The following DCUN1D4 variants were observed in gnomAD, a reference collection of about 807,000 sequenced individuals.
DCUN1D4 encodes the protein DCN1-like protein 4.
Under a neutral mutation model 47.9 loss-of-function variants are expected in DCUN1D4, and 22 were observed. That is an observed-to-expected ratio of 0.46 (90% CI 0.33 to 0.66). The LOEUF (loss-of-function observed/expected upper bound fraction) is 0.66. Ranked by LOEUF, DCUN1D4 falls within the 30% of genes least tolerant of loss-of-function variation. The probability of loss-of-function intolerance (pLI) is 0.02; values close to 1 mark genes in which losing one functional copy is unlikely to be tolerated. For synonymous variants in DCUN1D4, 121 were observed against 112.2 expected (o/e 1.08, Z -0.50); for missense variants, 301 against 340.8 (o/e 0.88, Z 0.92).
At chr4:51,878,008 A>C in intron 5 of DCUN1D4, 154 bp downstream of exon 5, 1 of 426,150 alleles carries the variant, frequency 2.3e-6, no homozygotes, top group Non-Finnish European at 4.2e-6. Flanking sequence ...AGCTGTAACA[A>C]ATCACCAGAT....
intron 1 of DCUN1D4, among the ~76,000 whole-genome samples, chr4:51,849,413 C>T (rs1162039637): frequency 6.6e-6 from 1 of 152,124 alleles, no homozygotes; most frequent in African/African-American, 2.4e-5. Context: ...TTTTAAATCA[C>T]TTTTCTGTTT....
intron 8 of DCUN1D4, among the ~76,000 whole-genome samples, chr4:51,910,073 T>G (rs992080233): frequency 6.6e-6 from 1 of 152,184 alleles, no homozygotes; most frequent in East Asian, 1.9e-4. Flanking sequence ...TTTGAACATT[T>G]AGATTCCACT....
upstream of DCUN1D4, among the ~76,000 whole-genome samples, chr4:51,842,408 GAAGTGTGCGAACTCTGCGAAAC>G (rs1020873072): frequency 1.3e-5 from 2 of 152,246 alleles, no homozygotes; most frequent in Non-Finnish European, 2.9e-5. Context: ...CTAGAGGAAA[GAAGTGTGCGAACTCTGCGAAAC>G]AAGTATGCGG....
chr4:51,887,107 C>CTTT, intron 6 of DCUN1D4: 4 of 389,538 alleles, frequency 1.0e-5, no homozygotes, highest in East Asian at 8.0e-5. Flanking sequence ...GAAGTGATTG[C>CTTT]TTTTTTTTTT....
chr4:51,861,000 G>A (rs1724964504), intron 1 of DCUN1D4, among the ~76,000 whole-genome samples: 1 of 152,208 alleles, frequency 6.6e-6, no homozygotes, highest in Admixed American at 6.5e-5. Context: ...AATGGTGTAA[G>A]TAAATATAGT....
chr4:51,897,866 C>A (rs1027495184), intron 7 of DCUN1D4, among the ~76,000 whole-genome samples: 2 of 152,174 alleles, frequency 1.3e-5, no homozygotes, highest in South Asian at 4.1e-4. Context: ...TTATAACACA[C>A]TGAATTAGAC....
upstream of DCUN1D4, among the ~76,000 whole-genome samples, chr4:51,838,563 G>A (rs978839346): frequency 2.0e-5 from 3 of 151,922 alleles, no homozygotes; most frequent in Non-Finnish European, 4.4e-5. Flanking sequence ...GCATTTTTTT[G>A]TAGAGATAGG....
rs368063913 is a variant in DCUN1D4 at position 51,857,968 on chromosome 4, G to T, written c.26-5469G>T. ...GGGCAAGATTTAAGTCTTGGCCCTT[G>T]TGGAGCTTACATTCTAATGGGAGAG... On this transcript the variant is annotated intron_variant, in intron 1 of 10. Transcript: ENST00000334635. Among the ~76,000 whole-genome samples, 6 of 152,278 alleles carry T rather than the reference G, an allele frequency of 3.9e-5. No individual in the cohort carries two copies. In the East Asian group the frequency reaches 9.7e-4, roughly 24 times the overall value.
chr4:51,838,932 G>A (rs1577786320), upstream of DCUN1D4, among the ~76,000 whole-genome samples: 1 of 152,052 alleles, frequency 6.6e-6, no homozygotes, highest in South Asian at 2.1e-4. Context: ...ACAATTAGTC[G>A]GGTGTGGTGG....
chr4:51,867,693 G>A (rs549574957), intron 3 of DCUN1D4, among the ~76,000 whole-genome samples: 18 of 152,306 alleles, frequency 1.2e-4, no homozygotes, highest in African/African-American at 3.6e-4. Flanking sequence ...GAGAAAGCAC[G>A]TGCTGATTGG....
At chr4:51,908,346 G>A (rs1265585236) in intron 8 of DCUN1D4, among the ~76,000 whole-genome samples, 1 of 152,158 alleles carries the variant, frequency 6.6e-6, no homozygotes, top group Non-Finnish European at 1.5e-5. Flanking sequence ...GGTGGGTAGG[G>A]AGAGATGTTT....
intron 1 of DCUN1D4, among the ~76,000 whole-genome samples, chr4:51,858,708 G>A (rs907871650): frequency 1.4e-4 from 21 of 152,160 alleles, no homozygotes; most frequent in Non-Finnish European, 2.9e-4. Flanking sequence ...TGCACACATA[G>A]TATAACATTT....
chr4:51,834,509 A>G, the DCUN1D4 span, among the ~76,000 whole-genome samples: 1 of 152,076 alleles, frequency 6.6e-6, no homozygotes, highest in Non-Finnish European at 1.5e-5. Context: ...ATTAAAATAG[A>G]ATAATCTTGG....
At chr4:51,879,585 C>G (rs1042230949) in intron 5 of DCUN1D4, among the ~76,000 whole-genome samples, 1 of 152,120 alleles carries the variant, frequency 6.6e-6, no homozygotes, top group Non-Finnish European at 1.5e-5. Context: ...CCAGCCTGGG[C>G]GACAGAGCAA....
intron 7 of DCUN1D4, among the ~76,000 whole-genome samples, chr4:51,898,261 G>C (rs1441007899): frequency 9.2e-5 from 14 of 152,190 alleles, no homozygotes; most frequent in African/African-American, 3.4e-4. Context: ...GAGAGAGTGA[G>C]GACCCATGGG....
intron 3 of DCUN1D4, among the ~76,000 whole-genome samples, chr4:51,872,223 T>A (rs1455912912): frequency 1.3e-5 from 2 of 152,212 alleles, no homozygotes; most frequent in Non-Finnish European, 2.9e-5. Flanking sequence ...CTGAAGCATG[T>A]CACCTTAGGA....
At position 51,874,402 on chromosome 4, in the gene DCUN1D4, G is replaced by C; in HGVS notation, c.251+17G>C. ...ACATGATAGGTATGATGTAGAGACA[G>C]TAGATCAGAATCAGTGATACATATG... On this transcript the variant is annotated intron_variant, in intron 4 of 10. Coordinates refer to ENST00000334635, the MANE Select transcript of DCUN1D4 (RefSeq NM_001040402.3). 6.4e-7 allele frequency: 1 copy of C among 1,566,536 alleles called. No individual in the cohort carries two copies. The highest frequency in any genetic ancestry group is 1.4e-5 in the African/African-American group (1 of 73,620).
chr4:51,862,897 C>T (rs180834294), intron 1 of DCUN1D4, among the ~76,000 whole-genome samples: 1 of 152,148 alleles, frequency 6.6e-6, no homozygotes, highest in Non-Finnish European at 1.5e-5. Flanking sequence ...CACTAGTAGT[C>T]CCAGCTACCA....
At chr4:51,888,786 C>T (rs906023283) in intron 6 of DCUN1D4, among the ~76,000 whole-genome samples, 2 of 150,682 alleles carry the variant, frequency 1.3e-5, no homozygotes, top group Admixed American at 6.6e-5. Flanking sequence ...AATTTATAAT[C>T]ATATTAAAGA....
Sources: allele counts gnomAD v4.1 joint callset (sites outside exome capture counted in the v4.1 genomes callset), GRCh38; gene constraint gnomAD v4.1.1; transcripts MANE v1.5; gene names NCBI Gene and HGNC (gene_info 2026-07-23, HGNC 2026-07-21).